Variants in CCNI2 observed in about 807,000 individuals in gnomAD.
The protein encoded by CCNI2 is cyclin I family member 2.
Under a neutral mutation model 33.2 loss-of-function variants are expected in CCNI2, and 32 were observed. The observed-to-expected ratio is 0.96, with a 90% CI of 0.73 to 1.30. The LOEUF (loss-of-function observed/expected upper bound fraction) is 1.30. Among genes scored for constraint, CCNI2 ranks in the 50% most tolerant of loss-of-function variants. The pLI, the probability that CCNI2 is intolerant of heterozygous loss-of-function variation, is 0.00. For missense variants in CCNI2, 452 were observed against 486.2 expected (o/e 0.93, Z 0.66); for synonymous variants, 231 against 219.9 (o/e 1.05, Z -0.45).
chr5:132,752,220 C>G, intron 5 of CCNI2, 24 bp downstream of exon 5: 2 of 1,546,470 alleles, frequency 1.3e-6, no homozygotes, highest in Non-Finnish European at 8.7e-7. Flanking sequence ...TTGCCCCAGA[C>G]CAGGCTCTGT....
At chr5:132,748,259 G>A in intron 1 of CCNI2, 88 bp from the exon 2 acceptor site, 5 of 1,545,462 alleles carry the variant, frequency 3.2e-6, no homozygotes, top group Non-Finnish European at 4.4e-6. Context: ...CCCACCCCCC[G>A]CACCTTAAGC....
At chr5:132,751,027 C>A in intron 4 of CCNI2, 30 bp downstream of exon 4, 1 of 1,606,474 alleles carries the variant, frequency 6.2e-7, no homozygotes, top group Non-Finnish European at 8.5e-7. Flanking sequence ...CAGAGTCTAC[C>A]CTAAACTCGT....
chr5:132,751,655 T>C, intron 4 of CCNI2: 1 of 433,394 alleles, frequency 2.3e-6, no homozygotes, highest in Non-Finnish European at 4.1e-6. Flanking sequence ...GTAACTTTTC[T>C]GCTACCTTGG....
chr5:132,751,719 T>G (rs921898598), intron 4 of CCNI2: 1 of 578,804 alleles, frequency 1.7e-6, no homozygotes, highest in Non-Finnish European at 3.0e-6. Flanking sequence ...ATCTAGGTAC[T>G]TTCCGCTCAT....
chr5:132,748,330 GC>G lies in CCNI2; in HGVS notation c.430-16del, dbSNP rs1561724417. The G allele has an allele frequency of 6.2e-7, 1 of 1,613,624 alleles. No individual in the cohort carries two copies. The highest frequency in any genetic ancestry group is 8.5e-7 in the Non-Finnish European group (1 of 1,179,796). ...GCTAGCGACCTTCCTCGCCCCACCT[GC>G]TCTTCTTCCTAGCAGGATGAAATCT... is the stretch of plus-strand genomic sequence containing the variant. On this transcript the variant is annotated splice_polypyrimidine_tract_variant and intron_variant, in intron 1 of 5. Transcript: ENST00000378731.
chr5:132,752,613 G>T (rs759098017), intron 5 of CCNI2, among the ~76,000 whole-genome samples: 5 of 152,168 alleles, frequency 3.3e-5, no homozygotes, highest in African/African-American at 1.2e-4. Context: ...CAAGCATTGT[G>T]GGGGCACAAG....
chr5:132,752,330 C>T, intron 5 of CCNI2, 134 bp downstream of exon 5: 1 of 1,090,698 alleles, frequency 9.2e-7, no homozygotes, highest in Non-Finnish European at 1.3e-6. Flanking sequence ...AAAGAGTCTG[C>T]CCAAAGGCTA....
chr5:132,748,625 C>T, intron 2 of CCNI2, 150 bp downstream of exon 2: 2 of 928,526 alleles, frequency 2.2e-6, no homozygotes. Flanking sequence ...GGTGTTGGAA[C>T]CTCTCCACAT....
At chr5:132,751,271 C>T in intron 4 of CCNI2, 1 of 359,890 alleles carries the variant, frequency 2.8e-6, no homozygotes, top group Non-Finnish European at 5.0e-6. Context: ...TTTAAATACA[C>T]ACTGCAAAAA....
chr5:132,751,857 G>A, intron 4 of CCNI2, 109 bp from the exon 5 acceptor site: 1 of 1,311,046 alleles, frequency 7.6e-7, no homozygotes, highest in Non-Finnish European at 1.0e-6. Flanking sequence ...AAAGGGTTGG[G>A]CAACATTTGA....
intron 4 of CCNI2, 99 bp from the exon 5 acceptor site, chr5:132,751,867 A>ATGT: frequency 7.3e-7 from 1 of 1,377,332 alleles, no homozygotes; most frequent in Non-Finnish European, 9.9e-7. Flanking sequence ...GCAACATTTG[A>ATGT]TGTTCCCTGA....
chr5:132,747,751 G>A lies in CCNI2; in HGVS notation c.256G>A (p.Gly86Arg), dbSNP rs981740825. 6.1e-6 allele frequency: 9 copies of A among 1,469,772 alleles called. No individual in the cohort carries two copies. Among genetic ancestry groups the A allele is most frequent in the Non-Finnish European group, 4.5e-6 (5 of 1,118,874 alleles). 91.0% of individuals were successfully genotyped at this position (1,469,772 alleles called of 1,614,324 possible). Residue 86 changes from glycine (G) to arginine (R), a missense_variant, in exon 1 of 6, where the codon GGG becomes AGG. Gly to Arg is a moderately radical substitution (Grantham distance 125, BLOSUM62 -2). Coordinates refer to ENST00000378731, the MANE Select transcript of CCNI2 (RefSeq NM_001039780.4). This position sits in a 1 kb window ranked among gnomAD's most constrained non-coding sequence, Gnocchi z 4.1. ...VRPRRGTAPA[G>R]KTADAVPAAA... Reference sequence around the variant, plus strand: ...GCCCCGGCGCGGTACGGCGCCAGCCGGGAAAACCGCAGACGCGGTCCCCGC... The same window carrying A: ...GCCCCGGCGCGGTACGGCGCCAGCCAGGAAAACCGCAGACGCGGTCCCCGC...
chr5:132,750,440 G>C (rs1376833259), intron 3 of CCNI2, among the ~76,000 whole-genome samples: 1 of 152,220 alleles, frequency 6.6e-6, no homozygotes, highest in East Asian at 1.9e-4. Flanking sequence ...GTCTGGTACA[G>C]ACTAGGAAGC....
Position 132,747,686 on chromosome 5 carries a change from C to T in CCNI2, c.191C>T (p.Ala64Val), listed in dbSNP as rs767054697. The T allele has an allele frequency of 3.3e-6, 5 of 1,499,170 alleles. No homozygotes were observed. The East Asian group carries it at 1.1e-4, about 33-fold the overall frequency. 92.9% of individuals were successfully genotyped at this position (1,499,170 alleles called of 1,614,324 possible). ...TGCCCTGGGACCCGCCAGCCCGGAG[C>T]GGCCTCCCTCCACGCGGCGTCCGCA... ...SRCPGTRQPGAASLHAASAAV... is the reference protein window; with the variant it reads ...SRCPGTRQPGVASLHAASAAV... The change falls in exon 1 of 6, where the codon GCG becomes GTG. Residue 64 changes from alanine (A) to valine (V), a missense_variant. Physicochemically the swap from Ala to Val is moderately conservative, Grantham distance 64. Coordinates refer to ENST00000378731, the MANE Select transcript of CCNI2 (RefSeq NM_001039780.4). This position sits in a 1 kb window ranked among gnomAD's most constrained non-coding sequence, Gnocchi z 4.1.
In CCNI2 at chr5:132,747,927, A is replaced by C; in HGVS notation, c.429+3A>C. On this transcript the variant is annotated splice_donor_region_variant and intron_variant, in intron 1 of 5. Coordinates refer to ENST00000378731, the MANE Select transcript of CCNI2 (RefSeq NM_001039780.4). This position sits in a 1 kb window ranked among gnomAD's most constrained non-coding sequence, Gnocchi z 4.1. ...TGTGGCGGGGCGGCAAACCCCAGGT[A>C]CCCGTCGCTGCCGCGTGGCCCTCCT... 1 of 1,374,590 alleles carries C rather than the reference A, an allele frequency of 7.3e-7. No individual in the cohort carries two copies. The highest frequency in any genetic ancestry group is 9.3e-7 in the Non-Finnish European group (1 of 1,070,872). 85.1% of individuals were successfully genotyped at this position (1,374,590 alleles called of 1,614,324 possible). A position where few individuals can be genotyped will look rare whatever the true frequency, so the allele number is the denominator to read the frequency against.
Position 132,750,904 on chromosome 5 carries a change from T to C in CCNI2, c.681T>C (p.Tyr227=). Residue 227 remains tyrosine (Y), a synonymous_variant, in exon 4 of 6, where the codon TAT becomes TAC. Transcript: ENST00000378731. The stretch of plus-strand genomic sequence containing the variant: ...TCACAAAGCACTATGGCTCTGACTA[T>C]TCCCCGAATGAGCTGCTGAGGATGG... ...KDFTKHYGSD[Y]SPNELLRMEL... is the part of the protein sequence containing the mutation. The C allele has an allele frequency of 6.2e-7, 1 of 1,614,270 alleles. No homozygotes were observed. The highest frequency in any genetic ancestry group is 1.1e-5 in the South Asian group (1 of 91,082).
intron 2 of CCNI2, among the ~76,000 whole-genome samples, chr5:132,748,945 A>G (rs1455020215): frequency 6.6e-6 from 1 of 152,172 alleles, no homozygotes; most frequent in African/African-American, 2.4e-5. Flanking sequence ...CCTTTTAAAA[A>G]TGGGAAAAAA....
intron 1 of CCNI2, 102 bp downstream of exon 1, chr5:132,748,026 C>A (rs1754662046): frequency 8.0e-7 from 1 of 1,244,136 alleles, no homozygotes; most frequent in African/African-American, 1.6e-5. Flanking sequence ...GAGGCCGGGC[C>A]CTTCCCCAGG....
chr5:132,748,394 G>A lies in CCNI2; in HGVS notation c.477G>A (p.Arg159=). Residue 159 remains arginine (R), a synonymous_variant, in exon 2 of 6, where the codon CGG becomes CGA. Coordinates refer to ENST00000378731, the MANE Select transcript of CCNI2 (RefSeq NM_001039780.4). The part of the protein sequence containing the change: ...AFEEVVLWLL[R]LQNTFYFSQS... ...AGGAAGTCGTGCTGTGGCTCCTGCGGCTTCAGAACACCTTTTACTTCTCCC... is the reference window on the plus strand; with the variant it reads ...AGGAAGTCGTGCTGTGGCTCCTGCGACTTCAGAACACCTTTTACTTCTCCC... The A allele has an allele frequency of 5.0e-6, 8 of 1,614,180 alleles. No individual in the cohort carries two copies. The highest frequency in any genetic ancestry group is 5.9e-6 in the Non-Finnish European group (7 of 1,180,024).
Sources: gnomAD v4.1 joint callset for allele counts (sites outside exome capture counted in the v4.1 genomes callset) on GRCh38, gnomAD v4.1.1 for gene constraint, Gnocchi (gnomAD v3.1) non-coding constraint, MANE v1.5 for transcripts, NCBI Gene and HGNC (gene_info 2026-07-23, HGNC 2026-07-21) for gene names.